The following GRIK2 variants were observed in gnomAD, a reference collection of about 807,000 sequenced individuals.
The protein encoded by GRIK2 is glutamate receptor ionotropic, kainate 2.
In GRIK2, 32 loss-of-function variants were observed where a neutral mutation model predicts 100.3. The ratio of observed to expected loss-of-function variants is 0.32; its 90% CI spans 0.24 to 0.43. The LOEUF (loss-of-function observed/expected upper bound fraction) is 0.43, where lower values mean the gene tolerates loss of function less well. Among genes scored for constraint, GRIK2 ranks in the 20% least tolerant of loss-of-function variants. The pLI, the probability that GRIK2 is intolerant of heterozygous loss-of-function variation, is 1.00. For synonymous variants in GRIK2, 417 were observed against 389.4 expected, an observed-to-expected ratio of 1.07 and a Z score of -0.83; for missense variants, 843 against 1,114.9, an observed-to-expected ratio of 0.76 and a Z score of 3.47.
chr6:101,680,517 A>G (rs1341666908), intron 5 of GRIK2, among the ~76,000 whole-genome samples: 1 of 152,196 alleles, frequency 6.6e-6, no homozygotes, highest in Non-Finnish European at 1.5e-5. Flanking sequence ...AATGAACATA[A>G]TAGTAGGACT....
At chr6:101,576,761 G>A (rs1777809339) in intron 2 of GRIK2, among the ~76,000 whole-genome samples, 1 of 152,028 alleles carries the variant, frequency 6.6e-6, no homozygotes, top group African/African-American at 2.4e-5. Context: ...GAGAATTGCT[G>A]ACAAACATAA....
At chr6:101,803,534 T>C (rs1780802997) in intron 9 of GRIK2, among the ~76,000 whole-genome samples, 1 of 151,828 alleles carries the variant, frequency 6.6e-6, no homozygotes, top group South Asian at 2.1e-4. Flanking sequence ...CATGAGACAG[T>C]CCCTTCCTAA....
In GRIK2 at chr6:101,676,823, C is replaced by G; in HGVS notation, c.723+19C>G. 6.8e-7 allele frequency: 1 copy of G among 1,461,066 alleles called. No individual in the cohort carries two copies. The highest frequency in any genetic ancestry group is 9.4e-7 in the Non-Finnish European group (1 of 1,065,946). 90.5% of individuals were successfully genotyped at this position (1,461,066 alleles called of 1,614,324 possible). A position where few individuals can be genotyped will look rare whatever the true frequency, so the allele number is the denominator to read the frequency against. Reference sequence around the variant, plus strand: ...AAAACAGGTAACCTTTAAATTACTTCAATTCTTGTTTTCTTCATAAACTTG... The same window carrying G: ...AAAACAGGTAACCTTTAAATTACTTGAATTCTTGTTTTCTTCATAAACTTG... On this transcript the variant is annotated intron_variant, in intron 5 of 16. Coordinates refer to ENST00000369134, the MANE Select transcript of GRIK2 (RefSeq NM_021956.5).
At chr6:101,998,770 A>C (rs1794775357) in intron 14 of GRIK2, among the ~76,000 whole-genome samples, 1 of 151,256 alleles carries the variant, frequency 6.6e-6, no homozygotes, top group Non-Finnish European at 1.5e-5. Flanking sequence ...ATTTAGTTTA[A>C]ATCACTTGAG....
chr6:101,660,557 G>C (rs999325708), intron 4 of GRIK2, among the ~76,000 whole-genome samples: 3 of 151,856 alleles, frequency 2.0e-5, no homozygotes, highest in Non-Finnish European at 4.4e-5. Flanking sequence ...GAGACATCCT[G>C]GTATTTGGAA....
chr6:101,594,592 A>G (rs1212536873), intron 2 of GRIK2, among the ~76,000 whole-genome samples: 1 of 151,818 alleles, frequency 6.6e-6, no homozygotes, highest in Non-Finnish European at 1.5e-5. Context: ...ATGAGTATAG[A>G]GTTTCAATAA....
chr6:101,433,456 T>C (rs1360681925), intron 2 of GRIK2, among the ~76,000 whole-genome samples: 1 of 152,204 alleles, frequency 6.6e-6, no homozygotes, highest in Admixed American at 6.5e-5. Context: ...AGGATGGTTA[T>C]GAGTATTAAA....
At chr6:101,467,638 G>A (rs1401928876) in intron 2 of GRIK2, among the ~76,000 whole-genome samples, 2 of 152,132 alleles carry the variant, frequency 1.3e-5, no homozygotes, top group African/African-American at 4.8e-5. Flanking sequence ...GCAAAAATTT[G>A]TGTTAGAACA....
intron 2 of GRIK2, among the ~76,000 whole-genome samples, chr6:101,500,400 A>C (rs1028157097): frequency 2.6e-5 from 4 of 152,104 alleles, no homozygotes; most frequent in Non-Finnish European, 5.9e-5. Flanking sequence ...AGAGTAATCT[A>C]TAGGTTTTCT....
intron 7 of GRIK2, among the ~76,000 whole-genome samples, chr6:101,770,845 C>T (rs997470784): frequency 1.3e-5 from 2 of 152,132 alleles, no homozygotes; most frequent in African/African-American, 4.8e-5. Context: ...TGTTCTTCTG[C>T]ACCAACTCAC....
chr6:101,431,908 G>A lies in GRIK2; in HGVS notation c.115+32516G>A, dbSNP rs534246197. Among the ~76,000 whole-genome samples, 7 of 151,946 alleles carry A rather than the reference G, an allele frequency of 4.6e-5. No homozygotes were observed. In the South Asian group the frequency reaches 1.5e-3, roughly 32 times the overall value. On this transcript the variant is annotated intron_variant, in intron 2 of 16. Coordinates refer to ENST00000369134, the MANE Select transcript of GRIK2 (RefSeq NM_021956.5). ...TTTCAGGCATGGATAGCTGGCATGG[G>A]GAATCATCTAACACTCCATGAGATG... is the stretch of plus-strand genomic sequence containing the variant.
chr6:101,798,466 A>G lies in GRIK2; in HGVS notation c.952-1182A>G, dbSNP rs539417283. ...GGAATCTGAGTTATTTTCCCAAGAG[A>G]TTTATGAACTATAAAATAATATTAT... On this transcript the variant is annotated intron_variant, in intron 7 of 16. Transcript: ENST00000369134. 4.6e-5 allele frequency among the ~76,000 whole-genome samples: 7 copies of G among 152,108 alleles called. No individual in the cohort carries two copies. The East Asian group carries it at 1.2e-3, about 25-fold the overall frequency.
chr6:101,424,821 G>A (rs892147238), intron 2 of GRIK2, among the ~76,000 whole-genome samples: 2 of 150,658 alleles, frequency 1.3e-5, no homozygotes, highest in Non-Finnish European at 3.0e-5. Context: ...GTGGTGTTTG[G>A]TTTTTTGTCC....
chr6:101,399,767 G>A (rs1775185105), intron 2 of GRIK2, among the ~76,000 whole-genome samples: 1 of 152,228 alleles, frequency 6.6e-6, no homozygotes, highest in Admixed American at 6.5e-5. Context: ...GGGGCTGCAC[G>A]CCTCTCAGCT....
At chr6:101,494,561 C>T (rs533807387) in intron 2 of GRIK2, among the ~76,000 whole-genome samples, 15 of 151,690 alleles carry the variant, frequency 9.9e-5, no homozygotes, top group South Asian at 2.1e-4. Context: ...TCATTGTAGA[C>T]GACTTGGAAT....
At chr6:101,672,422 C>T (rs1267341903) in intron 4 of GRIK2, among the ~76,000 whole-genome samples, 2 of 152,138 alleles carry the variant, frequency 1.3e-5, no homozygotes, top group African/African-American at 2.4e-5. Context: ...CTCTTCCTCA[C>T]CAAGTGATCT....
intron 10 of GRIK2, among the ~76,000 whole-genome samples, chr6:101,827,487 C>CAAA (rs113087251): frequency 4.8e-5 from 7 of 145,118 alleles, no homozygotes; most frequent in African/African-American, 1.7e-4. Flanking sequence ...CAAAACAAAA[C>CAAA]AAAAAAAAAC....
At chr6:101,784,411 G>A (rs1259446238) in intron 7 of GRIK2, among the ~76,000 whole-genome samples, 2 of 152,262 alleles carry the variant, frequency 1.3e-5, no homozygotes, top group Admixed American at 6.5e-5. Context: ...CTTATTGGCG[G>A]AAGGGACTTG....
intron 2 of GRIK2, among the ~76,000 whole-genome samples, chr6:101,480,877 A>G (rs191600798): frequency 2.6e-5 from 4 of 152,332 alleles, no homozygotes; most frequent in Non-Finnish European, 4.4e-5. Context: ...CATGGGATCA[A>G]TTGTTGAGAA....
Sources: allele counts gnomAD v4.1 joint callset (sites outside exome capture counted in the v4.1 genomes callset), GRCh38; gene constraint gnomAD v4.1.1; transcripts MANE v1.5; gene names NCBI Gene and HGNC (gene_info 2026-07-23, HGNC 2026-07-21).